Variants in GPHN observed in about 807,000 individuals in gnomAD.
GPHN encodes the protein gephyrin.
Under a neutral mutation model 95.5 loss-of-function variants are expected in GPHN, and 17 were observed. That is an observed-to-expected ratio of 0.18 (90% confidence interval 0.12 to 0.27). The LOEUF (loss-of-function observed/expected upper bound fraction) is 0.27, where lower values mean the gene tolerates loss of function less well. GPHN is among the 10% of genes least tolerant of loss of function. GPHN has a pLI of 1.00. For missense variants in GPHN, 660 were observed against 978.1 expected, an observed-to-expected ratio of 0.67 and a Z score of 4.34; for synonymous variants, 320 against 322.5, an observed-to-expected ratio of 0.99 and a Z score of 0.08.
intron 12 of GPHN, 33 bp downstream of exon 12, chr14:67,089,108 G>T: frequency 1.2e-6 from 1 of 806,184 alleles, no homozygotes; most frequent in East Asian, 2.6e-5. Flanking sequence ...ACATAATCAG[G>T]CACTGTATTT....
intron 11 of GPHN, 87 bp downstream of exon 11, chr14:67,058,873 A>G (rs760517618): frequency 8.6e-7 from 1 of 1,159,916 alleles, no homozygotes; most frequent in Non-Finnish European, 1.3e-6. Context: ...GTTTTCCTGA[A>G]AAAGAAAGAT....
chr14:67,569,966 T>C, the GPHN span: 5 of 1,609,916 alleles, frequency 3.1e-6, no homozygotes, highest in African/African-American at 5.3e-5. Flanking sequence ...TTCTCTGGCC[T>C]GGTCTACAAG....
chr14:67,698,604 A>G, the GPHN span, among the ~76,000 whole-genome samples: 2 of 152,230 alleles, frequency 1.3e-5, no homozygotes, highest in Non-Finnish European at 2.9e-5. Flanking sequence ...ACTACACAAC[A>G]ATTTGAACAG....
chr14:67,359,711 T>C, the GPHN span: 5 of 1,613,504 alleles, frequency 3.1e-6, no homozygotes, highest in Non-Finnish European at 4.2e-6. Context: ...TGACGATAAC[T>C]TTTCGGCTCG....
rs188726770 is a variant in GPHN, at chr14:66,882,985, A to G, written c.389+2952A>G. Among the ~76,000 whole-genome samples the G allele has an allele frequency of 2.8e-3, 432 of 151,980 alleles. 1 individual carries two copies. The highest frequency in any genetic ancestry group is 4.9e-3 in the Non-Finnish European group (330 of 67,840). On this transcript the variant is annotated intron_variant, in intron 5 of 22. Coordinates refer to ENST00000478722, the MANE Select transcript of GPHN (RefSeq NM_020806.5). Reference sequence around the variant, plus strand: ...TGGCAAATTTCTCTGGCTGCTTTGAAGATATTTTTTCTGCAGCTTTAGTTT... The same window carrying G: ...TGGCAAATTTCTCTGGCTGCTTTGAGGATATTTTTTCTGCAGCTTTAGTTT...
the GPHN span, among the ~76,000 whole-genome samples, chr14:67,554,250 C>A: frequency 6.6e-6 from 1 of 152,170 alleles, no homozygotes; most frequent in East Asian, 1.9e-4. Flanking sequence ...GCTCATCTAC[C>A]TTTTAATTAA....
the GPHN span, chr14:67,223,976 A>C: frequency 4.1e-6 from 4 of 984,960 alleles, no homozygotes; most frequent in Non-Finnish European, 4.8e-6. Context: ...ATAGGCGGAA[A>C]TCAGAATAAT....
the GPHN span, among the ~76,000 whole-genome samples, chr14:67,722,103 T>C: frequency 6.6e-6 from 1 of 152,152 alleles, no homozygotes; most frequent in Admixed American, 6.5e-5. Context: ...TCCAGTCATC[T>C]CCCTCCCCAG....
chr14:67,176,562 C>T (rs1042763983), intron 21 of GPHN, among the ~76,000 whole-genome samples: 3 of 152,100 alleles, frequency 2.0e-5, no homozygotes, highest in Admixed American at 6.6e-5. Context: ...CTCTGCCAGG[C>T]TTTGGTATCA....
chr14:67,501,142 A>G, the GPHN span, among the ~76,000 whole-genome samples: 1 of 151,860 alleles, frequency 6.6e-6, no homozygotes, highest in Middle Eastern at 3.4e-3. Flanking sequence ...CCTAGGGGCA[A>G]CAGGTCCCAA....
chr14:67,397,767 C>T, the GPHN span: 1 of 1,613,420 alleles, frequency 6.2e-7, no homozygotes, highest in Non-Finnish European at 8.5e-7. Context: ...GCTTGTAGTA[C>T]ACCAGCGTGT....
intron 3 of GPHN, among the ~76,000 whole-genome samples, chr14:66,800,854 C>T (rs12887061): frequency 0.016 from 2,440 of 152,102 alleles, 26 homozygotes; most frequent in Non-Finnish European, 0.024. Context: ...TGAGACTATT[C>T]TCTTGATCGT....
intron 5 of GPHN, among the ~76,000 whole-genome samples, chr14:66,882,444 T>C (rs2153535150): frequency 6.6e-6 from 1 of 151,966 alleles, no homozygotes; most frequent in South Asian, 2.1e-4. Flanking sequence ...TTTGAAATGG[T>C]TTCCTACTAT....
the GPHN span, chr14:67,569,900 AT>A: frequency 6.5e-7 from 1 of 1,531,266 alleles, no homozygotes. Flanking sequence ...GAGTAATCTC[AT>A]TCCTCTCTTC....
chr14:67,242,165 G>A, the GPHN span, among the ~76,000 whole-genome samples: 4 of 152,178 alleles, frequency 2.6e-5, no homozygotes, highest in East Asian at 7.7e-4. Context: ...AACGATCTTT[G>A]TAGTAAATTA....
intron 9 of GPHN, among the ~76,000 whole-genome samples, chr14:66,994,464 C>T (rs1442169094): frequency 6.6e-6 from 1 of 151,996 alleles, no homozygotes; most frequent in Non-Finnish European, 1.5e-5. Context: ...TGGCCTAAGA[C>T]ATTATTTAGA....
At chr14:67,220,715 C>G in the GPHN span, among the ~76,000 whole-genome samples, 1 of 152,116 alleles carries the variant, frequency 6.6e-6, no homozygotes, top group Non-Finnish European at 1.5e-5. Flanking sequence ...TAATTTGCAT[C>G]TATTTTTCAA....
the GPHN span, among the ~76,000 whole-genome samples, chr14:67,408,606 G>A: frequency 3.9e-5 from 6 of 152,214 alleles, no homozygotes; most frequent in East Asian, 1.9e-4. Context: ...GGATGGTCAC[G>A]TGACAACAGA....
chr14:66,545,436 C>T (rs1204953692), intron 1 of GPHN, among the ~76,000 whole-genome samples: 1 of 139,396 alleles, frequency 7.2e-6, no homozygotes, highest in African/African-American at 2.8e-5. Context: ...CAGAGGGGCT[C>T]CTCACTTTCC....
Sources: allele counts gnomAD v4.1 joint callset (sites outside exome capture counted in the v4.1 genomes callset), GRCh38; gene constraint gnomAD v4.1.1; transcripts MANE v1.5; gene names NCBI Gene and HGNC (gene_info 2026-07-23, HGNC 2026-07-21).